The following CNST variants were observed in gnomAD, a reference collection of about 807,000 sequenced individuals.
CNST encodes the protein consortin.
In CNST, 39 loss-of-function variants were observed where a neutral mutation model predicts 72.4. The ratio of observed to expected loss-of-function variants is 0.54; its 90% CI spans 0.42 to 0.70. CNST has a LOEUF of 0.70. Ranked by LOEUF, CNST falls within the 30% of genes least tolerant of loss-of-function variation. CNST has a pLI of 0.00. For missense variants in CNST, 871 were observed against 868.5 expected (o/e 1.00, Z -0.04); for synonymous variants, 332 against 320.1 (o/e 1.04, Z -0.40).
At chr1:246,579,734 G>A (rs1281753237) in intron 1 of CNST, among the ~76,000 whole-genome samples, 3 of 152,166 alleles carry the variant, frequency 2.0e-5, no homozygotes, top group East Asian at 1.9e-4. Flanking sequence ...CAGCCTGGGC[G>A]ACAGAGTGAG....
At chr1:246,594,073 T>C (rs1661721750) in intron 2 of CNST, among the ~76,000 whole-genome samples, 2 of 152,216 alleles carry the variant, frequency 1.3e-5, no homozygotes, top group Non-Finnish European at 2.9e-5. Flanking sequence ...CTTTAAGAAC[T>C]GATACTTAGT....
intron 5 of CNST, 117 bp downstream of exon 5, chr1:246,634,127 A>AATGGAAACATTTGTTTGTTAATGTTT: frequency 1.4e-6 from 1 of 702,938 alleles, no homozygotes; most frequent in Non-Finnish European, 2.5e-6. Context: ...TCCATAAACA[A>AATGGAAACATTTGTTTGTTAATGTTT]GTTAATGTTG....
chr1:246,661,213 G>T, intron 10 of CNST, among the ~76,000 whole-genome samples: 1 of 151,928 alleles, frequency 6.6e-6, no homozygotes, highest in Non-Finnish European at 1.5e-5. Flanking sequence ...CATGAGGTTA[G>T]GATCTGCCTG....
intron 2 of CNST, chr1:246,606,539 A>T (rs1176954994): frequency 7.2e-5 from 11 of 152,226 alleles, no homozygotes; most frequent in African/African-American, 2.7e-4. Context: ...TTTTGTTGTC[A>T]CACGAGCATT....
intron 1 of CNST, among the ~76,000 whole-genome samples, chr1:246,572,549 CTGTTT>C (rs1660130281): frequency 6.6e-6 from 1 of 152,106 alleles, no homozygotes; most frequent in South Asian, 2.1e-4. Flanking sequence ...TGAGATCTCA[CTGTTT>C]TGCCCAGGCT....
intron 1 of CNST, among the ~76,000 whole-genome samples, chr1:246,575,313 C>T: frequency 6.6e-6 from 1 of 151,992 alleles, no homozygotes; most frequent in Non-Finnish European, 1.5e-5. Flanking sequence ...TAGAAACAGC[C>T]CAAATGTCCA....
At chr1:246,600,206 C>T (rs1388660765) in intron 2 of CNST, among the ~76,000 whole-genome samples, 2 of 152,192 alleles carry the variant, frequency 1.3e-5, no homozygotes, top group Non-Finnish European at 2.9e-5. Flanking sequence ...TGCTAATATT[C>T]CTGCTTGAGC....
rs181743773 is a variant in CNST, at chr1:246,639,266, G to A, written c.819-2483G>A. On this transcript the variant is annotated intron_variant, in intron 6 of 10. Coordinates refer to ENST00000366513, the MANE Select transcript of CNST (RefSeq NM_152609.3). ...GAGATGAGAGCCTTCTGGACCAGAC[G>A]GAAAGGGTGGGTAATCGGCTGTGCA... 1.8e-3 allele frequency among the ~76,000 whole-genome samples: 275 copies of A among 152,260 alleles called. 1 individual carries two copies. The highest frequency in any genetic ancestry group is 4.5e-3 in the Admixed American group (69 of 15,300).
chr1:246,633,448 CAA>C (rs796468053), intron 4 of CNST, among the ~76,000 whole-genome samples: 6 of 108,160 alleles, frequency 5.5e-5, no homozygotes, highest in Admixed American at 2.0e-4. Context: ...GACTGTGTCT[CAA>C]AAAAAAAAAA....
intron 1 of CNST, among the ~76,000 whole-genome samples, chr1:246,588,892 C>G (rs1055183684): frequency 1.3e-5 from 2 of 151,948 alleles, no homozygotes; most frequent in African/African-American, 4.8e-5. Context: ...TCCAAACATA[C>G]TTGAGTTTTT....
At position 246,666,068 on chromosome 1, in the gene CNST, GAAT is replaced by G. The variant is rs369366952; in HGVS notation, c.*167_*169del. ...GTGGCAAGCCGGAGGAACTCTGTTA[GAAT>G]AATCCACACAGTGAGGCAAATATCA... is the stretch of plus-strand genomic sequence containing the variant. On this transcript the variant is annotated 3_prime_UTR_variant, in exon 11 of 11. Transcript: ENST00000366513. The G allele has an allele frequency of 1.0e-3, 599 of 595,886 alleles. 3 individuals carry two copies. Among genetic ancestry groups the G allele is most frequent in the African/African-American group, 0.01 (541 of 53,936 alleles). 36.9% of individuals were successfully genotyped at this position (595,886 alleles called of 1,614,324 possible). A position where few individuals can be genotyped will look rare whatever the true frequency, so the allele number is the denominator to read the frequency against.
chr1:246,661,337 C>T (rs1335329265), intron 10 of CNST, among the ~76,000 whole-genome samples: 11 of 152,112 alleles, frequency 7.2e-5, no homozygotes, highest in Non-Finnish European at 1.6e-4. Context: ...AGGCTAGTCT[C>T]GAACTCCTGG....
At chr1:246,574,290 C>T (rs528686703) in intron 1 of CNST, among the ~76,000 whole-genome samples, 5 of 152,268 alleles carry the variant, frequency 3.3e-5, no homozygotes, top group African/African-American at 9.6e-5. Context: ...ATCCGCCCGC[C>T]TCGGCCTCCC....
chr1:246,599,330 C>T (rs1349735328), intron 2 of CNST, among the ~76,000 whole-genome samples: 1 of 152,132 alleles, frequency 6.6e-6, no homozygotes, highest in Non-Finnish European at 1.5e-5. Context: ...TGACATGGTT[C>T]CTACTGGGCT....
At chr1:246,591,294 GATC>G (rs1661529707) in intron 1 of CNST, among the ~76,000 whole-genome samples, 1 of 152,166 alleles carries the variant, frequency 6.6e-6, no homozygotes, top group South Asian at 2.1e-4. Context: ...CCTCTCAGGT[GATC>G]ATCATGAGGA....
intron 1 of CNST, among the ~76,000 whole-genome samples, chr1:246,579,006 G>A (rs1660622541): frequency 6.6e-6 from 1 of 152,228 alleles, no homozygotes; most frequent in Non-Finnish European, 1.5e-5. Flanking sequence ...GCATGGCAAA[G>A]CGTAAGCACT....
At position 246,633,349 on chromosome 1, in the gene CNST, T is replaced by C. The variant is rs1330278490; in HGVS notation, c.617-575T>C. On this transcript the variant is annotated intron_variant, in intron 4 of 10. Coordinates refer to ENST00000366513, the MANE Select transcript of CNST (RefSeq NM_152609.3). ...CTGTAATCCCAGCTACTCTGGAGGC[T>C]GAGGCAGGAGAATCACTTGAATCCA... Among the ~76,000 whole-genome samples, 3 of 151,802 alleles carry C rather than the reference T, an allele frequency of 2.0e-5. No homozygotes were observed. The East Asian group carries it at 5.8e-4, about 29-fold the overall frequency.
At chr1:246,652,533 A>T (rs1229479436) in intron 9 of CNST, among the ~76,000 whole-genome samples, 1 of 152,220 alleles carries the variant, frequency 6.6e-6, no homozygotes, top group Non-Finnish European at 1.5e-5. Flanking sequence ...CTGTGTGGAG[A>T]TAAACCATTC....
At chr1:246,617,664 G>A (rs1280543867) in intron 2 of CNST, among the ~76,000 whole-genome samples, 1 of 152,056 alleles carries the variant, frequency 6.6e-6, no homozygotes, top group East Asian at 1.9e-4. Flanking sequence ...GAGAACTTAG[G>A]GCTGCCTTAA....
Sources: allele counts gnomAD v4.1 joint callset (sites outside exome capture counted in the v4.1 genomes callset), GRCh38; gene constraint gnomAD v4.1.1; transcripts MANE v1.5; gene names NCBI Gene and HGNC (gene_info 2026-07-23, HGNC 2026-07-21).